RASGRF1: variants seen among roughly 807,000 people sequenced by gnomAD.
RASGRF1 encodes Ras protein specific guanine nucleotide releasing factor 1, also known as ras-specific guanine nucleotide-releasing factor 1.
RASGRF1 carries 40 observed loss-of-function variants against 138.7 expected under a neutral mutation model. That is an observed-to-expected ratio of 0.29 (90% confidence interval 0.22 to 0.38). RASGRF1 has a LOEUF of 0.38. Ranked by LOEUF, RASGRF1 falls within the 10% of genes least tolerant of loss-of-function variation. RASGRF1 has a pLI of 1.00. For missense variants in RASGRF1, 1,108 were observed against 1,650.4 expected (o/e 0.67, Z 5.69); for synonymous variants, 614 against 663.2 (o/e 0.93, Z 1.14).
At chr15:78,984,808 A>AT (rs3840034) in intron 23 of RASGRF1, 199 bp downstream of exon 23, 2 of 623,934 alleles carry the variant, frequency 3.2e-6, no homozygotes, top group South Asian at 1.8e-5. Flanking sequence ...ATTACAGTCC[A>AT]GGTCTCACTG....
At chr15:79,026,517 C>A (rs1047970115) in intron 9 of RASGRF1, among the ~76,000 whole-genome samples, 2 of 152,212 alleles carry the variant, frequency 1.3e-5, no homozygotes, top group African/African-American at 4.8e-5. Flanking sequence ...AGGGCTGAGG[C>A]TGTTCTCTGA....
At position 79,003,839 on chromosome 15, in the gene RASGRF1, A is replaced by AGGG. The variant is rs1567496584; in HGVS notation, c.2409_2411dup (p.Pro804dup). ...GCGCTGAAGGGTCTTCGGGCTTCTCAGGGGTCGTATCGCCCTCATCTGGAA... is the reference window on the plus strand; with the variant it reads ...GCGCTGAAGGGTCTTCGGGCTTCTCAGGGGGGGTCGTATCGCCCTCATCTGGAA... On this transcript the variant is annotated inframe_insertion, in exon 15 of 27. Coordinates refer to ENST00000558480, the MANE Select transcript of RASGRF1 (RefSeq NM_001145648.3). 6.2e-7 allele frequency: 1 copy of AGGG among 1,611,786 alleles called. No individual in the cohort carries two copies. The highest frequency in any genetic ancestry group is 1.1e-5 in the South Asian group (1 of 90,944).
chr15:79,025,771 C>T (rs1259980401), intron 9 of RASGRF1, among the ~76,000 whole-genome samples: 5 of 152,046 alleles, frequency 3.3e-5, no homozygotes, highest in Non-Finnish European at 7.4e-5. Flanking sequence ...GAATGAAGGG[C>T]TGGGCTGAGG....
rs1252076637 is a variant in RASGRF1, at chr15:79,090,759, G to C, written c.-261C>G. On this transcript the variant is annotated 5_prime_UTR_variant, in exon 1 of 27. Coordinates refer to ENST00000558480, the MANE Select transcript of RASGRF1 (RefSeq NM_001145648.3). ...GAAGATGCCGCCCGACCCTCCTCCG[G>C]TGCCGGGCAAACTGAGGGACTGGCG... 2 of 511,226 alleles carry C rather than the reference G, an allele frequency of 3.9e-6. No individual in the cohort carries two copies. The highest frequency in any genetic ancestry group is 6.8e-6 in the Non-Finnish European group (2 of 294,312). 31.7% of individuals were successfully genotyped at this position (511,226 alleles called of 1,614,324 possible).
intron 13 of RASGRF1, among the ~76,000 whole-genome samples, chr15:79,008,586 G>A (rs1176045804): frequency 6.6e-6 from 1 of 152,182 alleles, no homozygotes; most frequent in Non-Finnish European, 1.5e-5. Context: ...AAAAACAAGA[G>A]TGCTAAATTG....
At chr15:78,966,891 G>A (rs968865029) in intron 26 of RASGRF1, among the ~76,000 whole-genome samples, 1 of 152,102 alleles carries the variant, frequency 6.6e-6, no homozygotes, top group Non-Finnish European at 1.5e-5. Context: ...ATAAAATAAA[G>A]TAAAATATCT....
In RASGRF1 at chr15:79,058,558, G is replaced by C. The variant is rs1180892832; in HGVS notation, c.384-77C>G. On this transcript the variant is annotated intron_variant, in intron 2 of 26. Coordinates refer to ENST00000558480, the MANE Select transcript of RASGRF1 (RefSeq NM_001145648.3). ...GAACCAAGCAGGGCACTGACCGGGA[G>C]AGGGGCTCACCCACCCACCTGCACT... is the stretch of plus-strand genomic sequence containing the variant. The C allele has an allele frequency of 1.9e-6, 3 of 1,561,242 alleles. No individual in the cohort carries two copies. The African/African-American group carries it at 4.0e-5, about 21-fold the overall frequency.
intron 1 of RASGRF1, among the ~76,000 whole-genome samples, chr15:79,083,608 C>T (rs117190105): frequency 0.025 from 3,820 of 152,286 alleles, 76 homozygotes; most frequent in Middle Eastern, 0.051. Context: ...CTTTCTTTCT[C>T]CATGTATTTT....
chr15:79,084,602 C>A (rs535117211), intron 1 of RASGRF1, among the ~76,000 whole-genome samples: 1 of 152,350 alleles, frequency 6.6e-6, no homozygotes, highest in East Asian at 1.9e-4. Flanking sequence ...TCAGCACACA[C>A]CACCCACTGT....
At chr15:79,001,576 G>A in intron 16 of RASGRF1, 86 bp downstream of exon 16, 1 of 1,471,112 alleles carries the variant, frequency 6.8e-7, no homozygotes, top group Non-Finnish European at 9.3e-7. Flanking sequence ...CATAAGGGAT[G>A]ACACCCACTT....
At chr15:79,069,128 G>C (rs1004017766) in intron 1 of RASGRF1, among the ~76,000 whole-genome samples, 1 of 152,150 alleles carries the variant, frequency 6.6e-6, no homozygotes, top group Non-Finnish European at 1.5e-5. Context: ...GCCAGGGCTT[G>C]TACCTGCTTA....
At chr15:79,025,220 T>C (rs576071751) in intron 10 of RASGRF1, 94 bp downstream of exon 10, 2 of 1,392,852 alleles carry the variant, frequency 1.4e-6, no homozygotes, top group Non-Finnish European at 1.9e-6. Flanking sequence ...CTGACACCCC[T>C]GCCCACCACC....
chr15:79,041,885 G>A lies in RASGRF1; in HGVS notation c.878+4861C>T, dbSNP rs1297770882. 2.0e-5 allele frequency among the ~76,000 whole-genome samples: 3 copies of A among 152,142 alleles called. No homozygotes were observed. The South Asian group carries it at 6.2e-4, about 32-fold the overall frequency. ...TGAATTGATTGTGGCATGCTCCCCTGCTGAACCTCATCATTCCCTCAGCTC... is the reference window on the plus strand; with the variant it reads ...TGAATTGATTGTGGCATGCTCCCCTACTGAACCTCATCATTCCCTCAGCTC... On this transcript the variant is annotated intron_variant, in intron 5 of 26. Coordinates refer to ENST00000558480, the MANE Select transcript of RASGRF1 (RefSeq NM_001145648.3).
At position 79,090,436 on chromosome 15, in the gene RASGRF1, C is replaced by G; in HGVS notation, c.63G>C (p.Lys21Asn). The G allele has an allele frequency of 6.2e-7, 1 of 1,613,222 alleles. No individual in the cohort carries two copies. The highest frequency in any genetic ancestry group is 8.5e-7 in the Non-Finnish European group (1 of 1,179,990). Residue 21 changes from lysine to asparagine, a missense_variant, in exon 1 of 27, where the codon AAG becomes AAC. Lys to Asn is a moderately conservative substitution (Grantham distance 94). This residue lies in a region of RASGRF1 where 253 missense variants were observed against 329.5 expected (regional missense o/e 0.77). Transcript: ENST00000558480. ...TCAGGTAGCCTTTGCGCGTGCCGTC[C>G]TTGCGCGCCAGCAGTCCCAGGGACG... ...HVASLGLLAR[K>N]DGTRKGYLSK... is the part of the protein sequence containing the mutation.
chr15:78,984,900 C>T (rs778314776), intron 23 of RASGRF1, 107 bp downstream of exon 23: 5 of 1,245,510 alleles, frequency 4.0e-6, no homozygotes, highest in Non-Finnish European at 5.8e-6. Context: ...AGACCTCAGC[C>T]CAGTACTTTG....
At chr15:78,996,504 T>C (rs2056395267) in intron 19 of RASGRF1, among the ~76,000 whole-genome samples, 1 of 152,060 alleles carries the variant, frequency 6.6e-6, no homozygotes, top group South Asian at 2.1e-4. Flanking sequence ...GTGTATATCT[T>C]ACAGCTGAGG....
intron 11 of RASGRF1, among the ~76,000 whole-genome samples, chr15:79,018,204 G>A (rs941069620): frequency 1.3e-5 from 2 of 152,210 alleles, no homozygotes; most frequent in African/African-American, 4.8e-5. Flanking sequence ...GTGAGGTCAC[G>A]GGCGAGGACT....
chr15:79,032,014 T>G lies in RASGRF1; in HGVS notation c.1152+109A>C, dbSNP rs1595920942. 20 of 1,307,334 alleles carry G rather than the reference T, an allele frequency of 1.5e-5. No individual in the cohort carries two copies. The highest frequency in any genetic ancestry group is 5.1e-5 in the East Asian group (2 of 39,160). The allele number at this position is 1,307,334 out of a possible 1,614,324, so 81.0% of individuals were successfully genotyped here. A position where few individuals can be genotyped will look rare whatever the true frequency, so the allele number is the denominator to read the frequency against. ...GCCCTGACCACCTCCCCCGCCCCCT[T>G]TGGCAGCCCAGAGCTGGGGTGCGTT... is the stretch of plus-strand genomic sequence containing the variant. On this transcript the variant is annotated intron_variant, in intron 7 of 26. Coordinates refer to ENST00000558480, the MANE Select transcript of RASGRF1 (RefSeq NM_001145648.3). This position sits in a 1 kb window ranked among gnomAD's most constrained non-coding sequence, Gnocchi z 4.5.
At chr15:79,024,535 T>G (rs1399796010) in intron 10 of RASGRF1, among the ~76,000 whole-genome samples, 1 of 152,104 alleles carries the variant, frequency 6.6e-6, no homozygotes, top group East Asian at 1.9e-4. Context: ...GCTCCCATAA[T>G]CCCCATGTGT....
Sources: allele counts gnomAD v4.1 joint callset (sites outside exome capture counted in the v4.1 genomes callset), GRCh38; gene constraint gnomAD v4.1.1; regional missense constraint gnomAD v4.1.1; non-coding constraint Gnocchi (gnomAD v3.1); transcripts MANE v1.5; gene names NCBI Gene and HGNC (gene_info 2026-07-23, HGNC 2026-07-21).